The following CRTC1 variants were observed in gnomAD, a reference collection of about 807,000 sequenced individuals.
The protein encoded by CRTC1 is CREB-regulated transcription coactivator 1.
CRTC1 carries 18 observed loss-of-function variants against 66.1 expected under a neutral mutation model. The observed-to-expected ratio is 0.27, with a 90% confidence interval of 0.19 to 0.40. CRTC1 has a LOEUF of 0.40. Ranked by LOEUF, CRTC1 falls within the 10% of genes least tolerant of loss-of-function variation. The pLI is 1.00. For synonymous variants in CRTC1, 416 were observed against 398.8 expected (o/e 1.04, Z -0.51); for missense variants, 669 against 887.9 (o/e 0.75, Z 3.13).
intron 1 of CRTC1, among the ~76,000 whole-genome samples, chr19:18,728,434 G>A (rs1223465092): frequency 6.6e-6 from 1 of 152,130 alleles, no homozygotes. Flanking sequence ...ATTCATTCCT[G>A]ACACCAAGTC....
intron 8 of CRTC1, among the ~76,000 whole-genome samples, chr19:18,763,193 C>T (rs922067130): frequency 1.3e-5 from 2 of 151,214 alleles, no homozygotes; most frequent in Non-Finnish European, 3.0e-5. Context: ...CTTCGCCTCC[C>T]AGTCCCAAGC....
intron 8 of CRTC1, among the ~76,000 whole-genome samples, chr19:18,764,396 G>T (rs1373137615): frequency 6.6e-6 from 1 of 152,252 alleles, no homozygotes; most frequent in African/African-American, 2.4e-5. Context: ...CTCCAGAGTG[G>T]ATGGGGGTCA....
intron 4 of CRTC1, among the ~76,000 whole-genome samples, chr19:18,747,921 G>A (rs1312729499): frequency 1.3e-5 from 2 of 151,922 alleles, no homozygotes; most frequent in Non-Finnish European, 2.9e-5. Flanking sequence ...TACAAAAAAT[G>A]AGAGAATTAG....
At chr19:18,699,901 C>T (rs1223216606) in intron 1 of CRTC1, among the ~76,000 whole-genome samples, 2 of 152,078 alleles carry the variant, frequency 1.3e-5, no homozygotes, top group Non-Finnish European at 1.5e-5. Flanking sequence ...TAGGAGGGGC[C>T]AGGGCAGGTG....
rs1482018171 is a variant in CRTC1, at chr19:18,741,422, G to T, written c.127-1488G>T. On this transcript the variant is annotated intron_variant, in intron 1 of 13. Coordinates refer to ENST00000321949, the MANE Select transcript of CRTC1 (RefSeq NM_015321.3). This position sits in a 1 kb window ranked among gnomAD's most constrained non-coding sequence, Gnocchi z 4.2. ...GGTCGGGGACACAGGTCCAGGAGGG[G>T]TCACAGCCTTTAGGGCCATATAGTC... Among the ~76,000 whole-genome samples, 2 of 152,236 alleles carry T rather than the reference G, an allele frequency of 1.3e-5. No individual in the cohort carries two copies. The highest frequency in any genetic ancestry group is 6.5e-5 in the Admixed American group (1 of 15,286).
intron 3 of CRTC1, among the ~76,000 whole-genome samples, chr19:18,746,518 C>G (rs1422344663): frequency 6.6e-6 from 1 of 150,524 alleles, no homozygotes; most frequent in African/African-American, 2.4e-5. Flanking sequence ...TGGTGCTCAG[C>G]CAGCCGGGCC....
Position 18,727,975 on chromosome 19 carries a change from C to G in CRTC1, c.127-14935C>G, listed in dbSNP as rs1357564527. ...TCATGACCTCAGGTGATCCACCCAC[C>G]TCAGCCTCCCAAAGCGCTGGGATTA... is the stretch of plus-strand genomic sequence containing the variant. On this transcript the variant is annotated intron_variant, in intron 1 of 13. Coordinates refer to ENST00000321949, the MANE Select transcript of CRTC1 (RefSeq NM_015321.3). Among the ~76,000 whole-genome samples, 5 of 152,328 alleles carry G rather than the reference C, an allele frequency of 3.3e-5. No homozygotes were observed. The East Asian group carries it at 9.7e-4, about 29-fold the overall frequency.
At chr19:18,763,540 G>A (rs550608235) in intron 8 of CRTC1, among the ~76,000 whole-genome samples, 32 of 152,326 alleles carry the variant, frequency 2.1e-4, no homozygotes, top group South Asian at 2.1e-4. Flanking sequence ...CCATGAAATC[G>A]CCGGACAACG....
chr19:18,705,795 A>G (rs936071578), intron 1 of CRTC1, among the ~76,000 whole-genome samples: 4 of 53,452 alleles, frequency 7.5e-5, no homozygotes, highest in Admixed American at 1.8e-4. Context: ...ACTAATCCTA[A>G]TATTTTTTTT....
At chr19:18,729,135 G>A (rs2053828290) in intron 1 of CRTC1, among the ~76,000 whole-genome samples, 1 of 146,082 alleles carries the variant, frequency 6.8e-6, no homozygotes, top group Non-Finnish European at 1.5e-5. Flanking sequence ...TTAGAAGTTG[G>A]TTCAGGCTGG....
chr19:18,704,441 G>T (rs1473255721), intron 1 of CRTC1, among the ~76,000 whole-genome samples: 1 of 152,170 alleles, frequency 6.6e-6, no homozygotes, highest in African/African-American at 2.4e-5. Flanking sequence ...GCCAGATGCG[G>T]TAGCTCTTGT....
chr19:18,747,027 G>A (rs758454872), intron 3 of CRTC1, 26 bp from the exon 4 acceptor site: 41 of 1,610,338 alleles, frequency 2.5e-5, no homozygotes, highest in Non-Finnish European at 3.4e-5. Context: ...CTCAGCCAGT[G>A]GCACTGCCCC....
intron 11 of CRTC1, among the ~76,000 whole-genome samples, chr19:18,772,071 G>T (rs1291539160): frequency 6.6e-6 from 1 of 152,146 alleles, no homozygotes; most frequent in East Asian, 1.9e-4. Context: ...CAGGGCCCTT[G>T]TCCCCATTCC....
intron 2 of CRTC1, among the ~76,000 whole-genome samples, chr19:18,743,814 A>C (rs545627095): frequency 6.6e-6 from 1 of 152,332 alleles, no homozygotes; most frequent in South Asian, 2.1e-4. Context: ...TCCGGCATAC[A>C]GAGTGCGGGC....
chr19:18,691,841 G>A (rs1414570721), intron 1 of CRTC1, among the ~76,000 whole-genome samples: 1 of 152,008 alleles, frequency 6.6e-6, no homozygotes, highest in Non-Finnish European at 1.5e-5. Flanking sequence ...AGCCTCCCGA[G>A]TAACTGGGAT....
At chr19:18,740,178 T>C (rs2054081550) in intron 1 of CRTC1, among the ~76,000 whole-genome samples, 1 of 151,592 alleles carries the variant, frequency 6.6e-6, no homozygotes, top group Admixed American at 6.6e-5. Context: ...GCTTGAACCC[T>C]GGAAGTGGAG....
At chr19:18,742,769 A>G (rs978281621) in intron 1 of CRTC1, 141 bp from the exon 2 acceptor site, 5 of 664,664 alleles carry the variant, frequency 7.5e-6, no homozygotes, top group African/African-American at 1.8e-5. Flanking sequence ...TTCCTTAAGC[A>G]TCTGGGTCAT....
intron 1 of CRTC1, among the ~76,000 whole-genome samples, chr19:18,688,219 G>A (rs987941038): frequency 4.6e-5 from 7 of 152,066 alleles, no homozygotes; most frequent in Non-Finnish European, 7.4e-5. Context: ...GCTCAGCCAC[G>A]TGCTAGGAGT....
intron 1 of CRTC1, among the ~76,000 whole-genome samples, chr19:18,684,138 C>T (rs1294748898): frequency 6.6e-6 from 1 of 151,968 alleles, no homozygotes; most frequent in South Asian, 2.1e-4. Flanking sequence ...CTCGTCGTTA[C>T]CTGACAGGGG....
Sources: gnomAD v4.1 joint callset for allele counts (sites outside exome capture counted in the v4.1 genomes callset) on GRCh38, gnomAD v4.1.1 for gene constraint, Gnocchi (gnomAD v3.1) non-coding constraint, MANE v1.5 for transcripts, NCBI Gene and HGNC (gene_info 2026-07-23, HGNC 2026-07-21) for gene names.